LCP1: variants seen among roughly 807,000 people sequenced by gnomAD.
LCP1 encodes the protein lymphocyte cytosolic protein 1.
LCP1 carries 23 observed loss-of-function variants against 72.0 expected under a neutral mutation model. The observed-to-expected ratio is 0.32, with a 90% CI of 0.23 to 0.45. LCP1 has a LOEUF of 0.45. Ranked by LOEUF, LCP1 falls within the 20% of genes least tolerant of loss-of-function variation. LCP1 has a pLI of 1.00. For synonymous variants in LCP1, 245 were observed against 275.4 expected, an observed-to-expected ratio of 0.89 and a Z score of 1.09; for missense variants, 571 against 748.3, an observed-to-expected ratio of 0.76 and a Z score of 2.76.
Position 46,148,385 on chromosome 13 carries a change from A to C in LCP1, c.945T>G (p.Val315=). 1.2e-6 allele frequency: 2 copies of C among 1,613,542 alleles called. No homozygotes were observed. Among genetic ancestry groups the C allele is most frequent in the Non-Finnish European group, 1.7e-6 (2 of 1,179,876 alleles). Residue 315 remains valine (V), a synonymous_variant, in exon 9 of 16, where the codon GTT becomes GTG. Transcript: ENST00000323076. Reference sequence around the variant, plus strand: ...CTGACATGTCAATAACAACAGCAGGAACACCTTCTTCATCTCCTTTTGGAG... The same window carrying C: ...CTGACATGTCAATAACAACAGCAGGCACACCTTCTTCATCTCCTTTTGGAG... ...QVAPKGDEEG[V]PAVVIDMSGL...
chr13:46,133,980 A>T lies in LCP1; in HGVS notation c.1626+147T>A, dbSNP rs192448209. The T allele has an allele frequency of 1.8e-4, 116 of 631,786 alleles. No individual in the cohort carries two copies. In the African/African-American group the frequency reaches 2.0e-3, roughly 11 times the overall value. 39.1% of individuals were successfully genotyped at this position (631,786 alleles called of 1,614,324 possible). On this transcript the variant is annotated intron_variant, in intron 14 of 15. Transcript: ENST00000323076. ...ATTAATGAAATGGCTGATGAACATC[A>T]AAACAATAACGAGTCATTTAAGCAA...
In LCP1 at chr13:46,147,011, T is replaced by C. The variant is rs1370952959; in HGVS notation, c.1071A>G (p.Arg357=). 6.2e-7 allele frequency: 1 copy of C among 1,613,986 alleles called. No homozygotes were observed. Among genetic ancestry groups the C allele is most frequent in the Non-Finnish European group, 8.5e-7 (1 of 1,180,024 alleles). The change falls in exon 10 of 16, where the codon CGA becomes CGG. Residue 357 remains arginine (R), a synonymous_variant. Coordinates refer to ENST00000323076, the MANE Select transcript of LCP1 (RefSeq NM_002298.5). ...AAGCCAAGTTCAACTTGGGGTTCCC[T>C]CGGACAACATCTGTGGCTGTGACAA... ...RQFVTATDVV[R]GNPKLNLAFI...
intron 1 of LCP1, among the ~76,000 whole-genome samples, chr13:46,173,665 T>C (rs2045914528): frequency 6.6e-6 from 1 of 152,234 alleles, no homozygotes; most frequent in African/African-American, 2.4e-5. Flanking sequence ...ATGTTCTCAG[T>C]CTGGCTTATT....
chr13:46,154,766 A>T, intron 6 of LCP1, 39 bp downstream of exon 6: 2 of 1,554,698 alleles, frequency 1.3e-6, no homozygotes, highest in Non-Finnish European at 1.8e-6. Flanking sequence ...CATTGATGCC[A>T]AACAAATCCT....
At position 46,126,404 on chromosome 13, in the gene LCP1, A is replaced by T. The variant is rs933513792; in HGVS notation, c.*1187T>A. 2 of 231,688 alleles carry T rather than the reference A, an allele frequency of 8.6e-6. No individual in the cohort carries two copies. Among genetic ancestry groups the T allele is most frequent in the African/African-American group, 4.4e-5 (2 of 45,238 alleles). The allele number at this position is 231,688 out of a possible 1,614,324, so 14.4% of individuals were successfully genotyped here. On this transcript the variant is annotated 3_prime_UTR_variant, in exon 16 of 16. Transcript: ENST00000323076. ...TTGTCCAGTAAATTAGCTCTTCATA[A>T]CGCAGTTCCACCATTTCTTATCCAG...
At chr13:46,175,877 C>CT (rs1290465274) in intron 1 of LCP1, among the ~76,000 whole-genome samples, 3 of 152,132 alleles carry the variant, frequency 2.0e-5, no homozygotes, top group African/African-American at 7.2e-5. Context: ...ATGATCTTCT[C>CT]TTTTTTCCTT....
chr13:46,162,305 C>T (rs966364462), intron 1 of LCP1, among the ~76,000 whole-genome samples: 2 of 141,560 alleles, frequency 1.4e-5, no homozygotes, highest in Non-Finnish European at 3.1e-5. Context: ...CCTCAACCCA[C>T]GGTCTCCCTC....
At chr13:46,177,512 C>T (rs140525164) in intron 1 of LCP1, among the ~76,000 whole-genome samples, 2 of 151,936 alleles carry the variant, frequency 1.3e-5, no homozygotes, top group South Asian at 2.1e-4. Flanking sequence ...TGGTGGTGGG[C>T]GCCTGTAGTC....
intron 1 of LCP1, among the ~76,000 whole-genome samples, chr13:46,175,469 A>G (rs1187501832): frequency 1.3e-5 from 2 of 152,116 alleles, no homozygotes; most frequent in Non-Finnish European, 2.9e-5. Flanking sequence ...TTTATACCAC[A>G]TTTGCCTCTT....
At chr13:46,144,548 T>C (rs1256375287) in intron 10 of LCP1, 28 bp from the exon 11 acceptor site, 2 of 1,547,626 alleles carry the variant, frequency 1.3e-6, no homozygotes, top group South Asian at 1.1e-5. Context: ...GGTTATCTTT[T>C]GGGACCGAAG....
At position 46,154,879 on chromosome 13, in the gene LCP1, T is replaced by C. The variant is rs778077497; in HGVS notation, c.499A>G (p.Ile167Val). 1 of 1,613,286 alleles carries C rather than the reference T, an allele frequency of 6.2e-7. No homozygotes were observed. The change falls in exon 6 of 16, where the codon ATC becomes GTC. Residue 167 changes from isoleucine (I) to valine (V), a missense_variant. Transcript: ENST00000323076. ...ATTGTGTCTGGCACTGACAGGTTGA[T>C]CATTTTACTGAAAGAGAAACAATTA... The part of the protein sequence containing the change: ...VGDGIVLCKM[I>V]NLSVPDTIDE...
chr13:46,169,873 G>A (rs1360949676), intron 1 of LCP1: 1 of 152,166 alleles, frequency 6.6e-6, no homozygotes, highest in Non-Finnish European at 1.5e-5. Context: ...CAAATTCATA[G>A]ATCAATAATA....
chr13:46,147,146 C>T, intron 9 of LCP1, 43 bp from the exon 10 acceptor site: 2 of 1,482,844 alleles, frequency 1.3e-6, no homozygotes, highest in Non-Finnish European at 1.8e-6. Flanking sequence ...CAAGGCTCTC[C>T]ATGCACAAAG....
intron 1 of LCP1, among the ~76,000 whole-genome samples, chr13:46,161,667 A>G (rs951653137): frequency 1.2e-4 from 19 of 152,200 alleles, no homozygotes; most frequent in African/African-American, 3.6e-4. Context: ...TTACAAAGAT[A>G]TATCCAAACC....
chr13:46,177,778 T>C (rs77089386), intron 1 of LCP1, among the ~76,000 whole-genome samples: 1,626 of 152,264 alleles, frequency 0.011, 20 homozygotes, highest in African/African-American at 0.037. Flanking sequence ...TTGTGACCCA[T>C]GCAGAGGCCT....
chr13:46,143,435 G>A, intron 11 of LCP1, 31 bp from the exon 12 acceptor site: 1 of 1,448,986 alleles, frequency 6.9e-7, no homozygotes. Context: ...AGGATTCTCA[G>A]ATATCCAACA....
intron 1 of LCP1, among the ~76,000 whole-genome samples, chr13:46,170,171 A>C (rs1465725084): frequency 6.6e-6 from 1 of 152,230 alleles, no homozygotes; most frequent in Non-Finnish European, 1.5e-5. Flanking sequence ...TCTTGTGTAC[A>C]TACTTAGACA....
intron 1 of LCP1, among the ~76,000 whole-genome samples, chr13:46,181,572 G>A (rs993771871): frequency 6.6e-6 from 1 of 152,032 alleles, no homozygotes; most frequent in Non-Finnish European, 1.5e-5. Flanking sequence ...AACCCTTGGC[G>A]CCAAAAATCA....
rs150402001 is a variant in LCP1, at chr13:46,130,840, A to C, written c.1725T>G (p.Asn575Lys). ...TTGCATTGTTGAGTTTCTCATCATC[A>C]TTCAGATTTTCTGTCTTCAGAAGGT... The part of the protein sequence containing the change: ...NYDLLKTENL[N>K]DDEKLNNAKY... Residue 575 changes from asparagine (N) to lysine (K), a missense_variant, in exon 15 of 16, where the codon AAT becomes AAG. Physicochemically the swap from Asn to Lys is moderately conservative, Grantham distance 94 (BLOSUM62 0). Transcript: ENST00000323076. 2 of 1,613,248 alleles carry C rather than the reference A, an allele frequency of 1.2e-6. No homozygotes were observed. Among genetic ancestry groups the C allele is most frequent in the African/African-American group, 2.7e-5 (2 of 74,842 alleles).
Sources: gnomAD v4.1 joint callset for allele counts (sites outside exome capture counted in the v4.1 genomes callset) on GRCh38, gnomAD v4.1.1 for gene constraint, MANE v1.5 for transcripts, NCBI Gene and HGNC (gene_info 2026-07-23, HGNC 2026-07-21) for gene names.